The following IFT88 variants were observed in gnomAD, a reference collection of about 807,000 sequenced individuals.
IFT88 encodes the protein intraflagellar transport protein 88 homolog.
Under a neutral mutation model 119.5 loss-of-function variants are expected in IFT88, and 74 were observed. The observed-to-expected ratio is 0.62, with a 90% confidence interval of 0.51 to 0.75. IFT88 has a LOEUF of 0.75. Among genes scored for constraint, IFT88 ranks in the 30% least tolerant of loss-of-function variants. The pLI is 0.00. For missense variants in IFT88, 961 were observed against 977.7 expected (o/e 0.98, Z 0.23); for synonymous variants, 279 against 316.7 (o/e 0.88, Z 1.26).
intron 14 of IFT88, among the ~76,000 whole-genome samples, chr13:20,619,787 T>C (rs1403909442): frequency 6.6e-6 from 1 of 152,186 alleles, no homozygotes; most frequent in Non-Finnish European, 1.5e-5. Context: ...TCAGCTTTAA[T>C]AGATACCGCT....
At chr13:20,635,199 T>C (rs1381525965) in intron 16 of IFT88, among the ~76,000 whole-genome samples, 5 of 152,154 alleles carry the variant, frequency 3.3e-5, no homozygotes, top group African/African-American at 1.2e-4. Context: ...CATTCTATCA[T>C]TGTTGGACAT....
chr13:20,640,039 C>T (rs2049635385), intron 17 of IFT88, among the ~76,000 whole-genome samples: 1 of 151,886 alleles, frequency 6.6e-6, no homozygotes, highest in Admixed American at 6.6e-5. Context: ...ATCCACCTGC[C>T]TCAGCCTCCC....
chr13:20,609,762 AG>A (rs2044148689), intron 13 of IFT88, among the ~76,000 whole-genome samples: 1 of 143,776 alleles, frequency 7.0e-6, no homozygotes, highest in African/African-American at 2.7e-5. Context: ...ACAAACAAAC[AG>A]AAAAAAAACA....
intron 1 of IFT88, among the ~76,000 whole-genome samples, chr13:20,568,545 AC>A (rs2137684670): frequency 6.6e-6 from 1 of 152,320 alleles, no homozygotes; most frequent in Admixed American, 6.5e-5. Context: ...AACTAAGCTG[AC>A]TTAAATAGGG....
At chr13:20,652,145 A>T (rs966143929) in intron 20 of IFT88, among the ~76,000 whole-genome samples, 1 of 152,068 alleles carries the variant, frequency 6.6e-6, no homozygotes. Flanking sequence ...GATCGTGGTG[A>T]TGGTTGCACA....
chr13:20,634,682 C>G (rs542814529), intron 16 of IFT88, among the ~76,000 whole-genome samples: 2 of 151,030 alleles, frequency 1.3e-5, no homozygotes, highest in Middle Eastern at 6.9e-3. Flanking sequence ...GAGCCAAGAT[C>G]GTGCCACTGC....
chr13:20,648,787 G>C (rs1330824063), intron 20 of IFT88, among the ~76,000 whole-genome samples: 2 of 152,108 alleles, frequency 1.3e-5, no homozygotes, highest in African/African-American at 4.8e-5. Context: ...ATGCACTTTA[G>C]ATACAAGGAC....
intron 20 of IFT88, among the ~76,000 whole-genome samples, chr13:20,651,307 A>G (rs969035831): frequency 6.6e-6 from 1 of 151,442 alleles, no homozygotes; most frequent in African/African-American, 2.4e-5. Context: ...AAGCACACAC[A>G]TGCCTCTCCA....
At chr13:20,680,735 C>T (rs2057231743) in intron 24 of IFT88, among the ~76,000 whole-genome samples, 1 of 152,196 alleles carries the variant, frequency 6.6e-6, no homozygotes, top group Non-Finnish European at 1.5e-5. Flanking sequence ...AAATCTCTTC[C>T]TTGGCATCTG....
intron 12 of IFT88, among the ~76,000 whole-genome samples, chr13:20,602,243 C>T (rs974683214): frequency 7.6e-6 from 1 of 131,632 alleles, no homozygotes; most frequent in African/African-American, 2.9e-5. Flanking sequence ...GAGAGCCTGC[C>T]TTCCAGGCTG....
intron 12 of IFT88, among the ~76,000 whole-genome samples, chr13:20,602,173 A>G (rs1483805023): frequency 6.6e-6 from 1 of 152,062 alleles, no homozygotes; most frequent in Non-Finnish European, 1.5e-5. Context: ...ATCATTAAAA[A>G]TAAGATTCCA....
intron 1 of IFT88, among the ~76,000 whole-genome samples, chr13:20,568,700 T>C (rs1308455713): frequency 6.6e-6 from 1 of 152,166 alleles, no homozygotes; most frequent in Non-Finnish European, 1.5e-5. Context: ...TATATATCTT[T>C]TACCAGTGAC....
chr13:20,670,341 T>C (rs899898537), intron 23 of IFT88, among the ~76,000 whole-genome samples: 5 of 152,102 alleles, frequency 3.3e-5, no homozygotes, highest in African/African-American at 1.2e-4. Flanking sequence ...TTCTAATACT[T>C]AGGCAAAACA....
At position 20,599,478 on chromosome 13, in the gene IFT88, T is replaced by G; in HGVS notation, c.725T>G (p.Ile242Ser). 1.4e-6 allele frequency: 2 copies of G among 1,453,128 alleles called. No homozygotes were observed. The highest frequency in any genetic ancestry group is 1.9e-6 in the Non-Finnish European group (2 of 1,049,256). The allele number at this position is 1,453,128 out of a possible 1,614,324, so 90.0% of individuals were successfully genotyped here. ...ATATTGAAAATGAATATGGGAAATA[T>G]CTATTTAAAGCAAAGAAATTATTCC... ...AGILKMNMGN[I>S]YLKQRNYSKA... The change falls in exon 11 of 26, where the codon ATC (isoleucine) becomes AGC (serine). Residue 242 changes from isoleucine (I) to serine (S), a missense_variant. Ile to Ser is a moderately radical substitution (Grantham distance 142, BLOSUM62 -2). Coordinates refer to ENST00000351808, the MANE Select transcript of IFT88 (RefSeq NM_006531.5).
At chr13:20,663,466 A>G in intron 22 of IFT88, 32 bp from the exon 23 acceptor site, 1 of 1,606,650 alleles carries the variant, frequency 6.2e-7, no homozygotes, top group East Asian at 2.2e-5. Context: ...CTGTGCCTAT[A>G]TTCTTTCCTA....
At chr13:20,617,559 T>C (rs1207638892) in intron 14 of IFT88, among the ~76,000 whole-genome samples, 2 of 152,220 alleles carry the variant, frequency 1.3e-5, no homozygotes, top group Non-Finnish European at 2.9e-5. Context: ...TTCAATTTGC[T>C]ATTCCCTGAA....
intron 14 of IFT88, among the ~76,000 whole-genome samples, chr13:20,617,922 T>C (rs1167704497): frequency 3.3e-5 from 5 of 152,074 alleles, no homozygotes; most frequent in Non-Finnish European, 7.4e-5. Flanking sequence ...GCCTCCCGAG[T>C]AGCTGAGACT....
intron 4 of IFT88, among the ~76,000 whole-genome samples, chr13:20,590,536 G>T (rs1012133560): frequency 2.6e-5 from 4 of 152,068 alleles, no homozygotes; most frequent in African/African-American, 9.7e-5. Flanking sequence ...ATAAACGTGT[G>T]TCATATTAAA....
chr13:20,574,134 C>T (rs940536871), intron 1 of IFT88, among the ~76,000 whole-genome samples: 1 of 152,080 alleles, frequency 6.6e-6, no homozygotes, highest in Non-Finnish European at 1.5e-5. Context: ...TGAGTCCAGC[C>T]TGGGCAACAT....
Sources: allele counts gnomAD v4.1 joint callset (sites outside exome capture counted in the v4.1 genomes callset), GRCh38; gene constraint gnomAD v4.1.1; transcripts MANE v1.5; gene names NCBI Gene and HGNC (gene_info 2026-07-23, HGNC 2026-07-21).